The following COL13A1 variants were observed in gnomAD, a reference collection of about 807,000 sequenced individuals.
The protein encoded by COL13A1 is collagen alpha-1(XIII) chain.
In COL13A1, 89 loss-of-function variants were observed where a neutral mutation model predicts 130.9. The observed-to-expected ratio is 0.68, with a 90% CI of 0.57 to 0.81. The LOEUF (loss-of-function observed/expected upper bound fraction) is 0.81. Ranked by LOEUF, COL13A1 falls within the 30% of genes least tolerant of loss-of-function variation. COL13A1 has a pLI of 0.00. For synonymous variants in COL13A1, 402 were observed against 341.6 expected (o/e 1.18, Z -1.95); for missense variants, 879 against 934.6 (o/e 0.94, Z 0.78).
chr10:69,895,985 G>A (rs1177839896), intron 13 of COL13A1, among the ~76,000 whole-genome samples: 2 of 152,102 alleles, frequency 1.3e-5, no homozygotes, highest in African/African-American at 2.4e-5. Context: ...TGTGTGTGGC[G>A]GTAGGGGGGT....
rs190682400 is a variant in COL13A1, at chr10:69,929,731, C to T, written c.1486-312C>T. On this transcript the variant is annotated intron_variant, in intron 28 of 40. Coordinates refer to ENST00000645393, the MANE Select transcript of COL13A1 (RefSeq NM_001368882.1). ...AACCCTTCTGCAAGGGAGCCAAGGG[C>T]GCCTAGGGCTCCCAGAGGCAGCAGT... is the stretch of plus-strand genomic sequence containing the variant. Among the ~76,000 whole-genome samples the T allele has an allele frequency of 2.1e-3, 321 of 152,288 alleles. 2 individuals are homozygous for T. In the Middle Eastern group the frequency reaches 0.037, roughly 18 times the overall value.
intron 2 of COL13A1, among the ~76,000 whole-genome samples, chr10:69,827,282 C>T (rs771877564): frequency 1.3e-5 from 2 of 152,138 alleles, no homozygotes; most frequent in South Asian, 4.2e-4. Flanking sequence ...TGAGGCTGCC[C>T]GGCTCCCTCT....
intron 7 of COL13A1, among the ~76,000 whole-genome samples, chr10:69,883,026 G>A (rs1047219459): frequency 6.6e-6 from 1 of 152,226 alleles, no homozygotes; most frequent in African/African-American, 2.4e-5. Context: ...TTTCCACTCA[G>A]CCAGGAAGGG....
rs2065277165 is a variant in COL13A1 at position 69,925,850 on chromosome 10, G to C, written c.1376G>C (p.Gly459Ala). Reference protein sequence around the residue: ...PGKGEMVDYNGNINEALQEIR... With the variant: ...PGKGEMVDYNANINEALQEIR... The stretch of plus-strand genomic sequence containing the variant: ...AAAGGAGAGATGGTGGATTACAATG[G>C]AAACATCAATGAGGCTCTCCAGGTG... Residue 459 changes from glycine (G) to alanine (A), a missense_variant, in exon 26 of 41, where the codon GGA becomes GCA. This residue lies in a region of COL13A1 where 715 missense variants were observed against 721.0 expected (regional missense o/e 0.99). Transcript: ENST00000645393. 6.3e-7 allele frequency: 1 copy of C among 1,599,082 alleles called. No individual in the cohort carries two copies. The highest frequency in any genetic ancestry group is 8.5e-7 in the Non-Finnish European group (1 of 1,173,072).
chr10:69,888,464 G>C, intron 9 of COL13A1, 134 bp downstream of exon 9: 1 of 1,258,382 alleles, frequency 7.9e-7, no homozygotes, highest in South Asian at 1.4e-5. Flanking sequence ...TGTCACTAGT[G>C]GGAAGTGGAG....
intron 2 of COL13A1, among the ~76,000 whole-genome samples, chr10:69,830,448 G>C (rs1173275392): frequency 6.6e-6 from 1 of 152,220 alleles, no homozygotes; most frequent in Non-Finnish European, 1.5e-5. Context: ...CAATTCCAGG[G>C]CTGGATCTCC....
chr10:69,947,365 G>T (rs544674819), intron 38 of COL13A1, 23 bp downstream of exon 38: 1 of 1,599,944 alleles, frequency 6.3e-7, no homozygotes, highest in African/African-American at 1.3e-5. Context: ...CCCTGCACTC[G>T]TGCTCTAGTT....
chr10:69,899,307 T>C (rs564903684), intron 14 of COL13A1, among the ~76,000 whole-genome samples: 12 of 152,372 alleles, frequency 7.9e-5, no homozygotes, highest in African/African-American at 2.4e-4. Flanking sequence ...GCATTTGGAA[T>C]AGTTCCTGGC....
At chr10:69,912,109 T>C (rs1244521017) in intron 17 of COL13A1, among the ~76,000 whole-genome samples, 1 of 152,216 alleles carries the variant, frequency 6.6e-6, no homozygotes, top group Admixed American at 6.5e-5. Flanking sequence ...ATCTGAGACC[T>C]TGTGGAGACT....
At chr10:69,900,837 G>C (rs2062113907) in intron 14 of COL13A1, among the ~76,000 whole-genome samples, 1 of 152,184 alleles carries the variant, frequency 6.6e-6, no homozygotes, top group South Asian at 2.1e-4. Flanking sequence ...GAATTCCCAT[G>C]TGACTTTGAT....
chr10:69,872,462 C>T lies in COL13A1; in HGVS notation c.399+252C>T, dbSNP rs41304639. 0.15 allele frequency among the ~76,000 whole-genome samples: 23,002 copies of T among 152,216 alleles called. 1,917 individuals are homozygous for T. The highest frequency in any genetic ancestry group is 0.21 in the Middle Eastern group (62 of 294). On this transcript the variant is annotated intron_variant, in intron 4 of 40. Transcript: ENST00000645393. ...GCCTTTGCCCCAGGCAGACAAATTA[C>T]AGCATGCAGATCCTTCCAAAGCTGC...
intron 1 of COL13A1, among the ~76,000 whole-genome samples, chr10:69,818,058 C>T (rs1313956259): frequency 6.6e-6 from 1 of 152,160 alleles, no homozygotes; most frequent in African/African-American, 2.4e-5. Flanking sequence ...ATTTCCGGGT[C>T]CACCTTTCCC....
intron 31 of COL13A1, among the ~76,000 whole-genome samples, chr10:69,933,274 C>G (rs1267821799): frequency 6.6e-6 from 1 of 151,366 alleles, no homozygotes; most frequent in Non-Finnish European, 1.5e-5. Flanking sequence ...TGGGCAGAGT[C>G]TTGACGGCTT....
chr10:69,851,597 G>C (rs1854829813), intron 2 of COL13A1, among the ~76,000 whole-genome samples: 1 of 152,194 alleles, frequency 6.6e-6, no homozygotes, highest in Non-Finnish European at 1.5e-5. Context: ...GTGAGGCTGA[G>C]GAACTGAACT....
chr10:69,857,913 C>T lies in COL13A1; in HGVS notation c.365-9885C>T, dbSNP rs571958642. Among the ~76,000 whole-genome samples the T allele has an allele frequency of 7.1e-5, 9 of 127,398 alleles. No homozygotes were observed. In the East Asian group the frequency reaches 1.9e-3, roughly 27 times the overall value. 83.6% of individuals were successfully genotyped at this position (127,398 alleles called of 152,430 possible). Reference sequence around the variant, plus strand: ...CAGGCAGATCACGAGGTCAGGAGTTCGAGACCAGCCTGGCCAATATGGTGA... The same window carrying T: ...CAGGCAGATCACGAGGTCAGGAGTTTGAGACCAGCCTGGCCAATATGGTGA... On this transcript the variant is annotated intron_variant, in intron 2 of 40. Transcript: ENST00000645393.
chr10:69,923,980 C>T (rs1028298806), intron 24 of COL13A1, 125 bp downstream of exon 24: 126 of 1,314,136 alleles, frequency 9.6e-5, no homozygotes, highest in South Asian at 4.3e-4. Flanking sequence ...CCACTGGCTT[C>T]CCTAATTCCT....
chr10:69,952,880 AG>A lies in COL13A1; in HGVS notation c.2062del, dbSNP rs2069858593. On this transcript the variant is annotated splice_acceptor_variant, in intron 38 of 40. Transcript: ENST00000645393. LOFTEE classifies it high-confidence loss of function. ...TTTCTCGGACTAAACCATTATTTAC[AG>A]GGGGAGAGGGGGAAGAAAGGCTCTA... is the stretch of plus-strand genomic sequence containing the variant. 2 of 1,547,972 alleles carry A rather than the reference AG, an allele frequency of 1.3e-6. No individual in the cohort carries two copies. Among genetic ancestry groups the A allele is most frequent in the East Asian group, 2.5e-5 (1 of 40,466 alleles).
At chr10:69,887,069 T>TA (rs1340378845) in intron 7 of COL13A1, among the ~76,000 whole-genome samples, 1 of 152,072 alleles carries the variant, frequency 6.6e-6, no homozygotes, top group East Asian at 1.9e-4. Context: ...ACTGTGTAAA[T>TA]AAAAAAGGGC....
rs928762365 is a variant in COL13A1 at position 69,958,704 on chromosome 10, C to A, written c.*3C>A. 1.9e-6 allele frequency: 3 copies of A among 1,613,734 alleles called. No homozygotes were observed. The African/African-American group carries it at 4.0e-5, about 22-fold the overall frequency. ...GTTTTGTTTTTGTTTTGCAGTGATG[C>A]CTCTAACCTTGGATTGGCCTGTGTG... On this transcript the variant is annotated 3_prime_UTR_variant, in exon 41 of 41. Coordinates refer to ENST00000645393, the MANE Select transcript of COL13A1 (RefSeq NM_001368882.1).
Sources: gnomAD v4.1 joint callset for allele counts (sites outside exome capture counted in the v4.1 genomes callset) on GRCh38, gnomAD v4.1.1 for gene constraint, gnomAD v4.1.1 regional missense constraint, MANE v1.5 for transcripts, NCBI Gene and HGNC (gene_info 2026-07-23, HGNC 2026-07-21) for gene names.